DENND2A: variants seen among roughly 807,000 people sequenced by gnomAD.
The protein encoded by DENND2A is DENN domain containing 2A.
Under a neutral mutation model 105.3 loss-of-function variants are expected in DENND2A, and 53 were observed. The observed-to-expected ratio is 0.50, with a 90% confidence interval of 0.40 to 0.63. The LOEUF is 0.63. Ranked by LOEUF, DENND2A falls within the 30% of genes least tolerant of loss-of-function variation. The pLI, the probability that DENND2A is intolerant of heterozygous loss-of-function variation, is 0.00. For missense variants in DENND2A, 1,138 were observed against 1,279.6 expected, an observed-to-expected ratio of 0.89 and a Z score of 1.69; for synonymous variants, 522 against 508.4, an observed-to-expected ratio of 1.03 and a Z score of -0.36.
At chr7:140,567,030 C>A in intron 9 of DENND2A, 56 bp downstream of exon 9, 1 of 1,480,090 alleles carries the variant, frequency 6.8e-7, no homozygotes, top group South Asian at 1.4e-5. Flanking sequence ...TCATGAGTCC[C>A]AACAAGGTGA....
intron 14 of DENND2A, among the ~76,000 whole-genome samples, chr7:140,530,823 C>T (rs1159602434): frequency 2.6e-5 from 4 of 152,030 alleles, no homozygotes; most frequent in African/African-American, 7.2e-5. Context: ...CTCCACCTCC[C>T]GTGTTCAAGT....
chr7:140,585,287 G>C (rs2130644331), intron 5 of DENND2A, among the ~76,000 whole-genome samples: 1 of 152,346 alleles, frequency 6.6e-6, no homozygotes, highest in African/African-American at 2.4e-5. Context: ...GTATCTTAGA[G>C]TATGCTCTAT....
At chr7:140,588,095 G>C (rs1798862735) in intron 3 of DENND2A, among the ~76,000 whole-genome samples, 1 of 152,058 alleles carries the variant, frequency 6.6e-6, no homozygotes, top group Non-Finnish European at 1.5e-5. Flanking sequence ...ATTTTTAGTA[G>C]AGACAAAGTT....
intron 1 of DENND2A, among the ~76,000 whole-genome samples, chr7:140,608,443 G>A (rs556273670): frequency 3.9e-5 from 6 of 152,116 alleles, no homozygotes; most frequent in Admixed American, 3.3e-4. Context: ...TTTGGAGGCC[G>A]GGGTGGGCTG....
intron 9 of DENND2A, among the ~76,000 whole-genome samples, chr7:140,561,475 T>C (rs949651840): frequency 4.6e-5 from 7 of 151,408 alleles, no homozygotes; most frequent in Non-Finnish European, 7.4e-5. Flanking sequence ...GGCTAACCTA[T>C]ATTTTTTCTT....
Position 140,602,491 on chromosome 7 carries a change from A to C in DENND2A, c.-94T>G. On this transcript the variant is annotated 5_prime_UTR_variant, in exon 3 of 20. Coordinates refer to ENST00000496613, the MANE Select transcript of DENND2A (RefSeq NM_015689.5). ...TCTCTAGGAATGGAATGGAGGACTA[A>C]AGTGGATGCCTTCGAGGGTCTTTCT... 7.3e-7 allele frequency: 1 copy of C among 1,370,830 alleles called. No homozygotes were observed. Among genetic ancestry groups the C allele is most frequent in the Non-Finnish European group, 9.6e-7 (1 of 1,036,876 alleles). The allele number at this position is 1,370,830 out of a possible 1,614,324, so 84.9% of individuals were successfully genotyped here. A position where few individuals can be genotyped will look rare whatever the true frequency, so the allele number is the denominator to read the frequency against.
intron 12 of DENND2A, among the ~76,000 whole-genome samples, chr7:140,553,098 A>C (rs938784200): frequency 2.0e-5 from 3 of 152,134 alleles, no homozygotes; most frequent in Non-Finnish European, 4.4e-5. Flanking sequence ...AAGGGGACCC[A>C]GGGAACCAGC....
chr7:140,628,541 T>G (rs1055015018), intron 1 of DENND2A, among the ~76,000 whole-genome samples: 1 of 147,198 alleles, frequency 6.8e-6, no homozygotes, highest in African/African-American at 2.5e-5. Flanking sequence ...TCTTTCTTTT[T>G]TTTTTTTTTT....
chr7:140,628,731 G>A (rs954087563), intron 1 of DENND2A, among the ~76,000 whole-genome samples: 1 of 151,566 alleles, frequency 6.6e-6, no homozygotes, highest in African/African-American at 2.4e-5. Flanking sequence ...TAGTAGAGAC[G>A]GGGTTTCACC....
chr7:140,544,697 GGGA>G lies in DENND2A; in HGVS notation c.2245_2247del (p.Ser749del). The G allele has an allele frequency of 1.2e-6, 2 of 1,613,528 alleles. No individual in the cohort carries two copies. Among genetic ancestry groups the G allele is most frequent in the Non-Finnish European group, 1.7e-6 (2 of 1,179,794 alleles). On this transcript the variant is annotated inframe_deletion, in exon 14 of 20. Transcript: ENST00000496613. ...ACACAGACCAGGTGGCGGACGCTGA[GGGA>G]GGAGAAGAGAGACTCAAAGTCCACG...
In DENND2A at chr7:140,601,480, AG is replaced by A; in HGVS notation, c.917del (p.Pro306LeufsTer11). The A allele has an allele frequency of 6.2e-7, 1 of 1,613,458 alleles. No individual in the cohort carries two copies. The highest frequency in any genetic ancestry group is 8.5e-7 in the Non-Finnish European group (1 of 1,179,580). On this transcript the variant is annotated frameshift_variant, in exon 3 of 20. Transcript: ENST00000496613. LOFTEE classifies it high-confidence loss of function. ...AGGAAGGTGGGGGAGAGGAGGGCAGAGGCGGGGGAGGTAGAGAGGGCAGAGG... is the reference window on the plus strand; with the variant it reads ...AGGAAGGTGGGGGAGAGGAGGGCAGAGCGGGGGAGGTAGAGAGGGCAGAGG... ...LPPLPSLPPP[P>X]LPSSPPPSSV...
At chr7:140,530,408 C>G (rs1266701281) in intron 14 of DENND2A, among the ~76,000 whole-genome samples, 1 of 152,118 alleles carries the variant, frequency 6.6e-6, no homozygotes, top group Admixed American at 6.6e-5. Context: ...GTCTCTTAAC[C>G]TTCCTGTTCT....
chr7:140,552,621 C>T, intron 12 of DENND2A, among the ~76,000 whole-genome samples: 1 of 152,106 alleles, frequency 6.6e-6, no homozygotes, highest in Admixed American at 6.6e-5. Flanking sequence ...TGCTCTTGAA[C>T]TCGTGGGCTC....
chr7:140,558,848 G>C (rs1230545912), intron 10 of DENND2A, among the ~76,000 whole-genome samples: 3 of 150,806 alleles, frequency 2.0e-5, no homozygotes, highest in African/African-American at 4.9e-5. Flanking sequence ...GGTTGCCCAG[G>C]CTGGGATGCA....
intron 1 of DENND2A, among the ~76,000 whole-genome samples, chr7:140,618,975 T>G (rs1366254327): frequency 1.3e-5 from 2 of 152,156 alleles, no homozygotes; most frequent in Non-Finnish European, 2.9e-5. Context: ...ATTTTTTGTA[T>G]TTTTTGTAAA....
intron 6 of DENND2A, among the ~76,000 whole-genome samples, chr7:140,571,409 A>C (rs111993108): frequency 0.036 from 5,551 of 152,102 alleles, 346 homozygotes; most frequent in African/African-American, 0.12. Flanking sequence ...TGATCTGCCC[A>C]CCTCAGCCTC....
At chr7:140,520,221 G>C (rs753504509) in intron 18 of DENND2A, among the ~76,000 whole-genome samples, 1 of 151,804 alleles carries the variant, frequency 6.6e-6, no homozygotes, top group Non-Finnish European at 1.5e-5. Context: ...CAGGAAAATC[G>C]CTTGAACCCG....
At chr7:140,587,422 GC>G (rs1043160263) in intron 4 of DENND2A, among the ~76,000 whole-genome samples, 14 of 152,172 alleles carry the variant, frequency 9.2e-5, no homozygotes, top group African/African-American at 3.1e-4. Flanking sequence ...TGCCTCCTTG[GC>G]CACTCATTAC....
intron 3 of DENND2A, among the ~76,000 whole-genome samples, chr7:140,595,743 G>A (rs1799257477): frequency 6.6e-6 from 1 of 152,022 alleles, no homozygotes; most frequent in Non-Finnish European, 1.5e-5. Flanking sequence ...ACTCCGGCCT[G>A]GGAGACAGAG....
Sources: gnomAD v4.1 joint callset for allele counts (sites outside exome capture counted in the v4.1 genomes callset) on GRCh38, gnomAD v4.1.1 for gene constraint, MANE v1.5 for transcripts, NCBI Gene and HGNC (gene_info 2026-07-23, HGNC 2026-07-21) for gene names.